ALG6: variants seen among roughly 807,000 people sequenced by gnomAD.
ALG6 encodes the protein ALG6 alpha-1,3-glucosyltransferase.
In ALG6, 46 loss-of-function variants were observed where a neutral mutation model predicts 66.6. The observed-to-expected ratio is 0.69, with a 90% CI of 0.55 to 0.88. ALG6 has a LOEUF of 0.88. Among genes scored for constraint, ALG6 ranks in the 40% least tolerant of loss-of-function variants. The pLI is 0.00. For missense variants in ALG6, 505 were observed against 586.8 expected (o/e 0.86, Z 1.44); for synonymous variants, 185 against 203.7 (o/e 0.91, Z 0.78).
chr1:63,395,320 G>T (rs1279430661), intron 2 of ALG6, among the ~76,000 whole-genome samples: 2 of 152,182 alleles, frequency 1.3e-5, no homozygotes, highest in African/African-American at 2.4e-5. Context: ...TGACAGCAAA[G>T]CCTGATCTAA....
chr1:63,379,011 A>G (rs952860042), intron 2 of ALG6, among the ~76,000 whole-genome samples: 3 of 151,418 alleles, frequency 2.0e-5, no homozygotes, highest in African/African-American at 7.3e-5. Context: ...CTTCTTTTGT[A>G]TTGTTAAGCA....
chr1:63,415,476 GAGTAA>G (rs1367280471), intron 10 of ALG6, among the ~76,000 whole-genome samples: 1 of 152,114 alleles, frequency 6.6e-6, no homozygotes, highest in African/African-American at 2.4e-5. Context: ...ACTCTTTTGT[GAGTAA>G]AGTTTATGAA....
chr1:63,437,707 A>T lies in ALG6; in HGVS notation c.*687A>T, dbSNP rs1644693101. The T allele has an allele frequency of 1.3e-5, 2 of 152,126 alleles. No individual in the cohort carries two copies. Among genetic ancestry groups the T allele is most frequent in the Non-Finnish European group, 2.9e-5 (2 of 68,032 alleles). The allele number at this position is 152,126 out of a possible 1,614,324, so 9.4% of individuals were successfully genotyped here. ...TTAAAAATGAATTTTCCTGAATTTA[A>T]ATGTAAGCTTTAACTTAACTTTAAG... On this transcript the variant is annotated 3_prime_UTR_variant, in exon 15 of 15. Transcript: ENST00000263440.
At chr1:63,432,915 C>T (rs1202843700) in intron 14 of ALG6, among the ~76,000 whole-genome samples, 1 of 152,098 alleles carries the variant, frequency 6.6e-6, no homozygotes, top group East Asian at 1.9e-4. Flanking sequence ...TATAGGCATG[C>T]ACCATCATGC....
intron 2 of ALG6, among the ~76,000 whole-genome samples, chr1:63,378,268 T>G (rs1436783061): frequency 2.6e-5 from 4 of 152,202 alleles, no homozygotes; most frequent in Non-Finnish European, 5.9e-5. Context: ...TTGTTTTCTC[T>G]TAGTATTTTG....
chr1:63,427,902 G>A (rs1474350472), intron 12 of ALG6, among the ~76,000 whole-genome samples: 1 of 151,406 alleles, frequency 6.6e-6, no homozygotes, highest in Non-Finnish European at 1.5e-5. Context: ...CTCCTCCCGG[G>A]TTCAAGCAGT....
In ALG6 at chr1:63,407,092, C is replaced by A; in HGVS notation, c.460C>A (p.Pro154Thr). 6.2e-7 allele frequency: 1 copy of A among 1,609,510 alleles called. No individual in the cohort carries two copies. The highest frequency in any genetic ancestry group is 8.5e-7 in the Non-Finnish European group (1 of 1,176,390). ...TAATGCATTATGCATCTTGCTGTAT[C>A]CAGGCCTTATTCTTATAGACTATGG... ...IANALCILLY[P>T]GLILIDYGHF... is the part of the protein sequence containing the mutation. The change falls in exon 7 of 15, where the codon CCA (proline) becomes ACA (threonine). Residue 154 changes from proline (P) to threonine (T), a missense_variant. Pro to Thr is a conservative substitution (Grantham distance 38). Coordinates refer to ENST00000263440, the MANE Select transcript of ALG6 (RefSeq NM_013339.4).
At chr1:63,409,674 C>G (rs984011954) in intron 7 of ALG6, among the ~76,000 whole-genome samples, 1 of 151,908 alleles carries the variant, frequency 6.6e-6, no homozygotes, top group Non-Finnish European at 1.5e-5. Flanking sequence ...CATTTCGATT[C>G]TTTTTCTGTC....
At chr1:63,394,331 G>A (rs1648756624) in intron 2 of ALG6, among the ~76,000 whole-genome samples, 2 of 152,118 alleles carry the variant, frequency 1.3e-5, no homozygotes, top group Admixed American at 1.3e-4. Context: ...AATAGTGAGT[G>A]GGTGTTTACT....
At chr1:63,432,458 A>G (rs1049736528) in intron 14 of ALG6, among the ~76,000 whole-genome samples, 4 of 152,162 alleles carry the variant, frequency 2.6e-5, no homozygotes, top group Non-Finnish European at 5.9e-5. Context: ...TGTAGTTTTC[A>G]TGTGACGTCT....
At chr1:63,422,167 C>CTA (rs1337119566) in intron 12 of ALG6, among the ~76,000 whole-genome samples, 1 of 67,300 alleles carries the variant, frequency 1.5e-5, no homozygotes, top group Non-Finnish European at 2.9e-5. Context: ...ATATATATAA[C>CTA]TATGAATTTA....
intron 7 of ALG6, among the ~76,000 whole-genome samples, chr1:63,410,231 C>T (rs1158381273): frequency 6.6e-6 from 1 of 152,090 alleles, no homozygotes; most frequent in East Asian, 1.9e-4. Flanking sequence ...CAGATCCTCC[C>T]ATTCTCTTTA....
At chr1:63,435,887 A>T (rs970056806) in intron 14 of ALG6, among the ~76,000 whole-genome samples, 1 of 152,178 alleles carries the variant, frequency 6.6e-6, no homozygotes, top group African/African-American at 2.4e-5. Context: ...ATTGGCCTAG[A>T]GAAGACCACA....
intron 11 of ALG6, 34 bp from the exon 12 acceptor site, chr1:63,419,336 G>T: frequency 6.7e-7 from 1 of 1,502,372 alleles, no homozygotes; most frequent in Non-Finnish European, 9.2e-7. Flanking sequence ...TTCACAAGTT[G>T]TTATATCTCA....
intron 12 of ALG6, among the ~76,000 whole-genome samples, chr1:63,422,032 G>GTA (rs1312576250): frequency 7.4e-6 from 1 of 135,126 alleles, no homozygotes. Context: ...ATACATATAT[G>GTA]TATATATATA....
At chr1:63,370,064 C>T (rs1461872396) in intron 1 of ALG6, among the ~76,000 whole-genome samples, 8 of 151,766 alleles carry the variant, frequency 5.3e-5, no homozygotes, top group African/African-American at 1.7e-4. Flanking sequence ...GTGATCTGCC[C>T]ACCTCGGCTT....
chr1:63,374,984 G>T (rs1255613581), intron 2 of ALG6, among the ~76,000 whole-genome samples: 2 of 151,934 alleles, frequency 1.3e-5, no homozygotes, highest in African/African-American at 4.8e-5. Context: ...CTGAGGCAGG[G>T]GGATCACTTG....
intron 2 of ALG6, among the ~76,000 whole-genome samples, chr1:63,377,586 G>A (rs764344458): frequency 2.3e-4 from 35 of 152,124 alleles, no homozygotes; most frequent in Non-Finnish European, 2.1e-4. Context: ...ACAATGCAAA[G>A]ACTTTAGAAT....
At chr1:63,423,010 G>GT (rs1189021698) in intron 12 of ALG6, among the ~76,000 whole-genome samples, 1 of 141,864 alleles carries the variant, frequency 7.0e-6, no homozygotes, top group Non-Finnish European at 1.5e-5. Context: ...CTAAAGACAA[G>GT]TAGGGATAAT....
Sources: gnomAD v4.1 joint callset for allele counts (sites outside exome capture counted in the v4.1 genomes callset) on GRCh38, gnomAD v4.1.1 for gene constraint, MANE v1.5 for transcripts, NCBI Gene and HGNC (gene_info 2026-07-23, HGNC 2026-07-21) for gene names.